Variants in TIGAR observed in about 807,000 individuals in gnomAD.
TIGAR encodes TP53 induced glycolysis regulatory phosphatase.
In TIGAR, 7 loss-of-function variants were observed where a neutral mutation model predicts 17.9. The ratio of observed to expected loss-of-function variants is 0.39; its 90% CI spans 0.22 to 0.73. The LOEUF (loss-of-function observed/expected upper bound fraction) is 0.73, where lower values mean the gene tolerates loss of function less well. TIGAR is among the 30% of genes least tolerant of loss of function. The pLI is 0.42. For missense variants in TIGAR, 258 were observed against 327.4 expected, an observed-to-expected ratio of 0.79 and a Z score of 1.64; for synonymous variants, 94 against 108.6, an observed-to-expected ratio of 0.87 and a Z score of 0.84.
intron 4 of TIGAR, 110 bp from the exon 5 acceptor site, chr12:4,351,157 G>T: frequency 2.2e-6 from 2 of 911,790 alleles, no homozygotes; most frequent in Non-Finnish European, 3.4e-6. Context: ...ATTAAGTGGA[G>T]GAGAGTTAGC....
intron 1 of TIGAR, among the ~76,000 whole-genome samples, chr12:4,322,542 T>C (rs1471166647): frequency 6.6e-6 from 1 of 152,202 alleles, no homozygotes; most frequent in Non-Finnish European, 1.5e-5. Context: ...TACGAACGTA[T>C]AGTTCAGCAC....
intron 2 of TIGAR, among the ~76,000 whole-genome samples, chr12:4,332,375 C>G (rs1864613528): frequency 6.6e-6 from 1 of 150,994 alleles, no homozygotes; most frequent in Non-Finnish European, 1.5e-5. Flanking sequence ...TCCTGAGTAG[C>G]TGGGATTACA....
At chr12:4,338,103 G>A (rs1341211680) in intron 3 of TIGAR, among the ~76,000 whole-genome samples, 3 of 151,790 alleles carry the variant, frequency 2.0e-5, no homozygotes, top group Non-Finnish European at 2.9e-5. Context: ...GCATGGTTGG[G>A]CTACAGAGCA....
intron 1 of TIGAR, chr12:4,324,711 C>T: frequency 1.3e-6 from 1 of 796,916 alleles, no homozygotes; most frequent in East Asian, 2.8e-5. Context: ...ACAGCTGCGT[C>T]AGCTGCTCGC....
intron 2 of TIGAR, among the ~76,000 whole-genome samples, chr12:4,336,706 C>G (rs1265570737): frequency 2.0e-5 from 3 of 152,074 alleles, no homozygotes; most frequent in Non-Finnish European, 2.9e-5. Flanking sequence ...GATGATGGTC[C>G]TACCGCCCCA....
At position 4,321,282 on chromosome 12, in the gene TIGAR, T is replaced by C. The variant is rs1249784040; in HGVS notation, c.11T>C (p.Phe4Ser). The change falls in exon 1 of 6, where the codon TTC becomes TCC. Residue 4 changes from phenylalanine (F) to serine (S), a missense_variant. Transcript: ENST00000179259. This position sits in a 1 kb window ranked among gnomAD's most constrained non-coding sequence, Gnocchi z 5.2. MAR[F>S]ALTVVRHGET... ...CGCGGCTCCGGGAACATGGCTCGCTTCGCTCTGACTGTTGTCCGGCAGTGA... is the reference window on the plus strand; with the variant it reads ...CGCGGCTCCGGGAACATGGCTCGCTCCGCTCTGACTGTTGTCCGGCAGTGA... 1 of 1,601,306 alleles carries C rather than the reference T, an allele frequency of 6.2e-7. No homozygotes were observed. Among genetic ancestry groups the C allele is most frequent in the Non-Finnish European group, 8.5e-7 (1 of 1,179,806 alleles).
rs115399479 is a variant in TIGAR, at chr12:4,329,572, C to G, written c.33-1708C>G. Among the ~76,000 whole-genome samples the G allele has an allele frequency of 5.8e-3, 887 of 152,088 alleles. 4 individuals are homozygous for G. The highest frequency in any genetic ancestry group is 0.02 in the African/African-American group (834 of 41,500). On this transcript the variant is annotated intron_variant, in intron 1 of 5. Coordinates refer to ENST00000179259, the MANE Select transcript of TIGAR (RefSeq NM_020375.3). ...CATGCTGGGCTTGAACTCCTGACAT[C>G]GTGATCTACCCACCTCGGACTCCCA...
rs1172434729 is a variant in TIGAR at position 4,349,851 on chromosome 12, T to C, written c.225T>C (p.Phe75=). The C allele has an allele frequency of 6.3e-7, 1 of 1,581,958 alleles. No individual in the cohort carries two copies. Among genetic ancestry groups the C allele is most frequent in the East Asian group, 2.4e-5 (1 of 42,086 alleles). ...ATGGAATTTTGGAGAGAAGCAAATT[T>C]TGCAAAGATATGACGGTAAAGTATG... ...TMHGILERSK[F]CKDMTVKYDS... Residue 75 remains phenylalanine, a synonymous_variant, in exon 4 of 6, where the codon TTT becomes TTC. Transcript: ENST00000179259.
rs771787283 is a variant in TIGAR, at chr12:4,331,328, T to G, written c.70+11T>G. 6.2e-7 allele frequency: 1 copy of G among 1,607,394 alleles called. No homozygotes were observed. Among genetic ancestry groups the G allele is most frequent in the Non-Finnish European group, 8.5e-7 (1 of 1,173,900 alleles). ...AGAAAATAATCCAAGGTTGGTATAATCCGATTGTTATTTTAGCTCTCACCC... is the reference window on the plus strand; with the variant it reads ...AGAAAATAATCCAAGGTTGGTATAAGCCGATTGTTATTTTAGCTCTCACCC... On this transcript the variant is annotated intron_variant, in intron 2 of 5. Transcript: ENST00000179259.
rs1244804716 is a variant in TIGAR at position 4,353,365 on chromosome 12, C to T, written c.*674C>T. The T allele has an allele frequency of 6.6e-6, 1 of 152,162 alleles. No homozygotes were observed. Among genetic ancestry groups the T allele is most frequent in the Non-Finnish European group, 1.5e-5 (1 of 68,052 alleles). The allele number at this position is 152,162 out of a possible 1,614,324, so 9.4% of individuals were successfully genotyped here. A position where few individuals can be genotyped will look rare whatever the true frequency, so the allele number is the denominator to read the frequency against. ...AAGAACAGCCTTTTCTAAATAATGC[C>T]TTGCCAAAGTCAAGTCAATGGAAAC... On this transcript the variant is annotated 3_prime_UTR_variant, in exon 6 of 6. Coordinates refer to ENST00000179259, the MANE Select transcript of TIGAR (RefSeq NM_020375.3).
Position 4,349,821 on chromosome 12 carries a change from C to A in TIGAR, c.195C>A (p.Thr65=). Residue 65 remains threonine, a splice_region_variant and synonymous_variant, in exon 4 of 6, where the codon ACC becomes ACA. Coordinates refer to ENST00000179259, the MANE Select transcript of TIGAR (RefSeq NM_020375.3). ...GAAACAATTGTCTTGATTTTCAGACCATGCATGGAATTTTGGAGAGAAGCA... is the reference window on the plus strand; with the variant it reads ...GAAACAATTGTCTTGATTTTCAGACAATGCATGGAATTTTGGAGAGAAGCA... ...FSSDLMRTKQ[T]MHGILERSKF... 1 of 1,577,204 alleles carries A rather than the reference C, an allele frequency of 6.3e-7. No homozygotes were observed.
chr12:4,343,688 A>G (rs1377233883), intron 3 of TIGAR, among the ~76,000 whole-genome samples: 1 of 152,256 alleles, frequency 6.6e-6, no homozygotes. Flanking sequence ...CAATGAGAAC[A>G]AAGAGACAAC....
chr12:4,325,628 G>C (rs1864537694), intron 1 of TIGAR, among the ~76,000 whole-genome samples: 1 of 151,670 alleles, frequency 6.6e-6, no homozygotes, highest in Non-Finnish European at 1.5e-5. Context: ...TGTAATCCCA[G>C]CTACTCGGGA....
At position 4,321,279 on chromosome 12, in the gene TIGAR, G is replaced by T; in HGVS notation, c.8G>T (p.Arg3Leu). 1.2e-6 allele frequency: 2 copies of T among 1,601,206 alleles called. No homozygotes were observed. The highest frequency in any genetic ancestry group is 1.7e-6 in the Non-Finnish European group (2 of 1,179,812). ...GGACGCGGCTCCGGGAACATGGCTC[G>T]CTTCGCTCTGACTGTTGTCCGGCAG... MA[R>L]FALTVVRHGE... The change falls in exon 1 of 6, where the codon CGC (arginine) becomes CTC (leucine). Residue 3 changes from arginine to leucine, a missense_variant. Coordinates refer to ENST00000179259, the MANE Select transcript of TIGAR (RefSeq NM_020375.3). The surrounding 1 kb of genome is among the most constrained non-coding windows in gnomAD (Gnocchi z 5.2).
intron 3 of TIGAR, among the ~76,000 whole-genome samples, chr12:4,340,739 C>A (rs1270007893): frequency 6.6e-6 from 1 of 152,176 alleles, no homozygotes; most frequent in South Asian, 2.1e-4. Context: ...AGAAACAAAT[C>A]CATGCATCTG....
rs1283836769 is a variant in TIGAR at position 4,359,546 on chromosome 12, A to G, written c.*6855A>G. Among the ~76,000 whole-genome samples, 1 of 152,162 alleles carries G rather than the reference A, an allele frequency of 6.6e-6. No individual in the cohort carries two copies. Among genetic ancestry groups the G allele is most frequent in the African/African-American group, 2.4e-5 (1 of 41,434 alleles). On this transcript the variant is annotated 3_prime_UTR_variant, in exon 6 of 6. Transcript: ENST00000179259. ...TGCTCATTGCTAATAGTGCCTTTAA[A>G]AAAATTACTGCATTGAATTCCAATG...
intron 3 of TIGAR, among the ~76,000 whole-genome samples, chr12:4,347,107 T>A (rs577276917): frequency 7.2e-5 from 11 of 152,218 alleles, no homozygotes; most frequent in Non-Finnish European, 1.6e-4. Context: ...ACTCCCATAT[T>A]GCAGCACTTT....
intron 3 of TIGAR, among the ~76,000 whole-genome samples, chr12:4,343,925 A>G (rs373298399): frequency 2.0e-5 from 3 of 152,330 alleles, no homozygotes; most frequent in East Asian, 3.9e-4. Context: ...CCTTCCAAAA[A>G]TCAATGAATC....
At position 4,352,776 on chromosome 12, in the gene TIGAR, C is replaced by G; in HGVS notation, c.*85C>G. On this transcript the variant is annotated 3_prime_UTR_variant, in exon 6 of 6. Coordinates refer to ENST00000179259, the MANE Select transcript of TIGAR (RefSeq NM_020375.3). ...TATTTACTTCTCTCCTCTGCTAGTT[C>G]TGATTTGGAAACAGTTAAAAGCCAA... The G allele has an allele frequency of 1.4e-6, 2 of 1,389,022 alleles. No individual in the cohort carries two copies. Among genetic ancestry groups the G allele is most frequent in the Non-Finnish European group, 1.9e-6 (2 of 1,040,224 alleles). The allele number at this position is 1,389,022 out of a possible 1,614,324, so 86.0% of individuals were successfully genotyped here. A position where few individuals can be genotyped will look rare whatever the true frequency, so the allele number is the denominator to read the frequency against.
Sources: allele counts gnomAD v4.1 joint callset (sites outside exome capture counted in the v4.1 genomes callset), GRCh38; gene constraint gnomAD v4.1.1; non-coding constraint Gnocchi (gnomAD v3.1); transcripts MANE v1.5; gene names NCBI Gene and HGNC (gene_info 2026-07-23, HGNC 2026-07-21).